SLC9B1: variants seen among roughly 807,000 people sequenced by gnomAD.
SLC9B1 encodes solute carrier family 9 member B1.
A neutral mutation model predicts 51.7 loss-of-function variants in SLC9B1; 32 were observed. The observed-to-expected ratio is 0.62, with a 90% confidence interval of 0.47 to 0.83. The LOEUF is 0.83. SLC9B1 is among the 40% of genes least tolerant of loss of function. The probability of loss-of-function intolerance (pLI) is 0.00; values close to 1 mark genes in which losing one functional copy is unlikely to be tolerated. For missense variants in SLC9B1, 406 were observed against 613.2 expected, an observed-to-expected ratio of 0.66 and a Z score of 3.57; for synonymous variants, 145 against 212.7, an observed-to-expected ratio of 0.68 and a Z score of 2.77.
At chr4:102,938,948 T>A (rs538984610) in intron 6 of SLC9B1, among the ~76,000 whole-genome samples, 1 of 151,892 alleles carries the variant, frequency 6.6e-6, no homozygotes, top group East Asian at 1.9e-4. Flanking sequence ...ATTAACAACC[T>A]AATATCATAC....
chr4:103,016,134 CAAAAAA>C (rs61227731), intron 1 of SLC9B1, among the ~76,000 whole-genome samples: 1 of 49,638 alleles, frequency 2.0e-5, no homozygotes, highest in African/African-American at 9.3e-5. Context: ...AACTCTGTCT[CAAAAAA>C]AAAAAAAAAA....
chr4:102,912,720 G>C (rs865850316), intron 7 of SLC9B1, among the ~76,000 whole-genome samples: 18 of 152,024 alleles, frequency 1.2e-4, no homozygotes, highest in Middle Eastern at 3.4e-3. Flanking sequence ...ATCTTTACAA[G>C]AAAATAAAAA....
chr4:103,008,876 G>A (rs1578418050), intron 1 of SLC9B1, among the ~76,000 whole-genome samples: 1 of 138,040 alleles, frequency 7.2e-6, no homozygotes, highest in Non-Finnish European at 1.5e-5. Flanking sequence ...CTCGACTCAC[G>A]GCAACCTCCG....
At chr4:102,986,216 GACAGTTTCACAGGATACAGAA>G (rs1739612666) in intron 3 of SLC9B1, among the ~76,000 whole-genome samples, 1 of 149,754 alleles carries the variant, frequency 6.7e-6, no homozygotes, top group Non-Finnish European at 1.5e-5. Context: ...ACTTTTCAAG[GACAGTTTCACAGGATACAGAA>G]TTCTAAGGCT....
At chr4:102,972,023 C>G (rs550352308) in intron 3 of SLC9B1, among the ~76,000 whole-genome samples, 2 of 152,142 alleles carry the variant, frequency 1.3e-5, no homozygotes, top group African/African-American at 4.8e-5. Flanking sequence ...AAAAAAAGTC[C>G]AGGACCAGAT....
At chr4:102,961,080 T>G (rs1738090867) in intron 3 of SLC9B1, among the ~76,000 whole-genome samples, 1 of 152,218 alleles carries the variant, frequency 6.6e-6, no homozygotes, top group Non-Finnish European at 1.5e-5. Flanking sequence ...TTCTCTATTA[T>G]GTAATCATAA....
intron 1 of SLC9B1, among the ~76,000 whole-genome samples, chr4:103,011,231 G>A (rs190824798): frequency 4.6e-5 from 7 of 152,328 alleles, no homozygotes; most frequent in Admixed American, 4.6e-4. Flanking sequence ...CCCAAACCCA[G>A]CAAGGCAAAC....
intron 1 of SLC9B1, among the ~76,000 whole-genome samples, chr4:102,996,999 G>A (rs901108352): frequency 6.0e-5 from 9 of 149,970 alleles, no homozygotes; most frequent in African/African-American, 2.2e-4. Context: ...TCACTATATT[G>A]CTCAGGCTGG....
intron 3 of SLC9B1, among the ~76,000 whole-genome samples, chr4:102,965,913 A>G (rs1481910607): frequency 6.6e-6 from 1 of 152,252 alleles, no homozygotes; most frequent in Non-Finnish European, 1.5e-5. Flanking sequence ...GAGCAAGTTC[A>G]AAAGTCAGCA....
chr4:102,911,734 A>C (rs2110433422), intron 7 of SLC9B1, among the ~76,000 whole-genome samples, 197 bp from the exon 8 acceptor site: 1 of 152,308 alleles, frequency 6.6e-6, no homozygotes, highest in Non-Finnish European at 1.5e-5. Flanking sequence ...CTCTCAAATA[A>C]TTTAATATAT....
At chr4:102,945,715 A>C (rs1198041854) in intron 5 of SLC9B1, among the ~76,000 whole-genome samples, 2 of 152,132 alleles carry the variant, frequency 1.3e-5, no homozygotes, top group Non-Finnish European at 2.9e-5. Context: ...ATGCCAAAGA[A>C]AATAACTTAA....
At chr4:103,010,992 T>C (rs1578419784) in intron 1 of SLC9B1, among the ~76,000 whole-genome samples, 1 of 152,156 alleles carries the variant, frequency 6.6e-6, no homozygotes, top group African/African-American at 2.4e-5. Flanking sequence ...CTGTTTCCGA[T>C]ACCAACTCAA....
intron 10 of SLC9B1, among the ~76,000 whole-genome samples, chr4:102,906,038 C>T (rs923674145): frequency 1.1e-4 from 16 of 152,094 alleles, no homozygotes; most frequent in African/African-American, 2.4e-4. Flanking sequence ...CGGGTTCACG[C>T]GATTCTCCTG....
intron 3 of SLC9B1, among the ~76,000 whole-genome samples, chr4:102,975,185 A>G (rs1738987059): frequency 6.6e-6 from 1 of 151,986 alleles, no homozygotes; most frequent in Admixed American, 6.6e-5. Flanking sequence ...AAAAGTTTTT[A>G]TTTTGTAGAG....
intron 2 of SLC9B1, among the ~76,000 whole-genome samples, chr4:102,991,303 A>C (rs1435628734): frequency 2.6e-5 from 4 of 152,058 alleles, no homozygotes; most frequent in African/African-American, 9.6e-5. Flanking sequence ...TTCAAAACAC[A>C]CAGCACAACA....
chr4:102,994,689 C>G (rs1465547989), intron 1 of SLC9B1, among the ~76,000 whole-genome samples: 2 of 152,182 alleles, frequency 1.3e-5, no homozygotes. Flanking sequence ...CACAGTTCCA[C>G]ATGGCTGGGG....
chr4:103,012,232 T>C (rs1221703676), intron 1 of SLC9B1, among the ~76,000 whole-genome samples: 2 of 152,238 alleles, frequency 1.3e-5, no homozygotes, highest in Admixed American at 1.3e-4. Flanking sequence ...TGCTCACAGG[T>C]TCTGCCTTTC....
At chr4:102,900,745 A>C (rs1734746194), downstream of SLC9B1, among the ~76,000 whole-genome samples, 1 of 152,202 alleles carries the variant, frequency 6.6e-6, no homozygotes, top group South Asian at 2.1e-4. Flanking sequence ...CTATTTGGAA[A>C]CTTAGGCTAT....
intron 7 of SLC9B1, among the ~76,000 whole-genome samples, chr4:102,914,223 T>TGGTG (rs1735476721): frequency 2.3e-5 from 2 of 87,180 alleles, no homozygotes; most frequent in South Asian, 3.6e-4. Context: ...CCAGTCTGGG[T>TGGTG]GCACTGGATG....
Sources: gnomAD v4.1 joint callset for allele counts (sites outside exome capture counted in the v4.1 genomes callset) on GRCh38, gnomAD v4.1.1 for gene constraint, MANE v1.5 for transcripts, NCBI Gene and HGNC (gene_info 2026-07-23, HGNC 2026-07-21) for gene names.